PCDHGC3: variants seen among roughly 807,000 people sequenced by gnomAD.
PCDHGC3 encodes the protein protocadherin gamma subfamily C, 3.
A neutral mutation model predicts 59.2 loss-of-function variants in PCDHGC3; 26 were observed. The observed-to-expected ratio is 0.44, with a 90% CI of 0.32 to 0.61. The LOEUF is 0.61. Ranked by LOEUF, PCDHGC3 falls within the 20% of genes least tolerant of loss-of-function variation. The pLI is 0.05. For missense variants in PCDHGC3, 1,080 were observed against 1,221.8 expected (o/e 0.88, Z 1.73); for synonymous variants, 487 against 519.7 (o/e 0.94, Z 0.86).
chr5:141,506,246 C>T (rs1049014492), intron 3 of PCDHGC3, among the ~76,000 whole-genome samples: 3 of 151,958 alleles, frequency 2.0e-5, no homozygotes, highest in South Asian at 4.2e-4. Context: ...GTCAGGAGTT[C>T]GAAACCGGCC....
At position 141,511,076 on chromosome 5, in the gene PCDHGC3, A is replaced by G. The variant is rs201009079; in HGVS notation, c.2708A>G (p.Asn903Ser). 19 of 1,614,218 alleles carry G rather than the reference A, an allele frequency of 1.2e-5. No individual in the cohort carries two copies. In the East Asian group the frequency reaches 3.6e-4, roughly 30 times the overall value. ...CAGAATGTCTACATCCCAGGCAGCA[A>G]TGCCACACTGACCAACGCAGCTGGC... ...YRQNVYIPGS[N>S]ATLTNAAGKR... Residue 903 changes from asparagine (N) to serine (S), a missense_variant, in exon 4 of 4, where the codon AAT (asparagine) becomes AGT (serine). Coordinates refer to ENST00000308177, the MANE Select transcript of PCDHGC3 (RefSeq NM_002588.4).
At chr5:141,479,241 G>A (rs2099490987) in intron 1 of PCDHGC3, 1 of 152,174 alleles carries the variant, frequency 6.6e-6, no homozygotes, top group Non-Finnish European at 1.5e-5. Context: ...CAAACCCAAA[G>A]ATAACCATTT....
rs777542913 is a variant in PCDHGC3 at position 141,478,287 on chromosome 5, G to A, written c.2171G>A (p.Arg724Lys). 3.7e-6 allele frequency: 6 copies of A among 1,614,154 alleles called. No individual in the cohort carries two copies. Among genetic ancestry groups the A allele is most frequent in the Non-Finnish European group, 5.1e-6 (6 of 1,180,052 alleles). The change falls in exon 1 of 4, where the codon AGA becomes AAA. Residue 724 changes from arginine to lysine, a missense_variant. Physicochemically the swap from Arg to Lys is conservative, Grantham distance 26. Coordinates refer to ENST00000308177, the MANE Select transcript of PCDHGC3 (RefSeq NM_002588.4). ...AAAGTTTACAAGTGGAAGCAGTCTA[G>A]AGACCTATACCGAGCCCCGGTGAGC... is the stretch of plus-strand genomic sequence containing the variant. ...IFKVYKWKQS[R>K]DLYRAPVSSL...
chr5:141,482,492 T>C (rs1167963137), intron 1 of PCDHGC3, among the ~76,000 whole-genome samples: 1 of 144,468 alleles, frequency 6.9e-6, no homozygotes, highest in Non-Finnish European at 1.5e-5. Flanking sequence ...TTAAAAGTTA[T>C]CATTCTGGTA....
In PCDHGC3 at chr5:141,482,160, T is replaced by C. The variant is rs577572891; in HGVS notation, c.2430+3614T>C. Reference sequence around the variant, plus strand: ...GCATAAAAAGGTCAAGTCAAAGATATGTAAGATTAAGGCTTTACGATGCTC... The same window carrying C: ...GCATAAAAAGGTCAAGTCAAAGATACGTAAGATTAAGGCTTTACGATGCTC... On this transcript the variant is annotated intron_variant, in intron 1 of 3. Coordinates refer to ENST00000308177, the MANE Select transcript of PCDHGC3 (RefSeq NM_002588.4). 1.6e-4 allele frequency among the ~76,000 whole-genome samples: 25 copies of C among 151,966 alleles called. No homozygotes were observed. In the South Asian group the frequency reaches 4.0e-3, roughly 24 times the overall value.
In PCDHGC3 at chr5:141,491,928, G is replaced by T; in HGVS notation, c.2431-2879G>T. 1 of 1,301,482 alleles carries T rather than the reference G, an allele frequency of 7.7e-7. No homozygotes were observed. Among genetic ancestry groups the T allele is most frequent in the South Asian group, 1.6e-5 (1 of 63,466 alleles). 80.6% of individuals were successfully genotyped at this position (1,301,482 alleles called of 1,614,324 possible). A position where few individuals can be genotyped will look rare whatever the true frequency, so the allele number is the denominator to read the frequency against. On this transcript the variant is annotated intron_variant, in intron 1 of 3. Coordinates refer to ENST00000308177, the MANE Select transcript of PCDHGC3 (RefSeq NM_002588.4). The surrounding 1 kb of genome is among the most constrained non-coding windows in gnomAD (Gnocchi z 6.9). ...TGGTGGCGACTGTGGGCGAGGGGAG[G>T]TGGGACCGACCCCCACCCCTACACT... is the stretch of plus-strand genomic sequence containing the variant.
Position 141,486,107 on chromosome 5 carries a change from A to T in PCDHGC3, c.2430+7561A>T, listed in dbSNP as rs758269750. ...TCTTTTGGGGCCCCTAGACTTTGAG[A>T]GTGAGAATTACTATGAATTTGATGT... is the stretch of plus-strand genomic sequence containing the variant. On this transcript the variant is annotated intron_variant, in intron 1 of 3. Transcript: ENST00000308177. The surrounding 1 kb of genome is among the most constrained non-coding windows in gnomAD (Gnocchi z 5.0). The T allele has an allele frequency of 6.2e-7, 1 of 1,614,102 alleles. No individual in the cohort carries two copies. Among genetic ancestry groups the T allele is most frequent in the South Asian group, 1.1e-5 (1 of 91,080 alleles).
At position 141,491,111 on chromosome 5, in the gene PCDHGC3, A is replaced by G; in HGVS notation, c.2431-3696A>G. 1 of 1,614,162 alleles carries G rather than the reference A, an allele frequency of 6.2e-7. No individual in the cohort carries two copies. Among genetic ancestry groups the G allele is most frequent in the Non-Finnish European group, 8.5e-7 (1 of 1,180,026 alleles). Reference sequence around the variant, plus strand: ...CCAGGACTGTTCCTCGTGTCTACACACACTGGTGAGGTGCGCACAGCCCGG... The same window carrying G: ...CCAGGACTGTTCCTCGTGTCTACACGCACTGGTGAGGTGCGCACAGCCCGG... On this transcript the variant is annotated intron_variant, in intron 1 of 3. Transcript: ENST00000308177. This position sits in a 1 kb window ranked among gnomAD's most constrained non-coding sequence, Gnocchi z 6.9.
At chr5:141,500,562 T>A (rs2099801387) in intron 2 of PCDHGC3, among the ~76,000 whole-genome samples, 1 of 152,202 alleles carries the variant, frequency 6.6e-6, no homozygotes, top group Admixed American at 6.5e-5. Flanking sequence ...CACAAACTTG[T>A]CACACTTTCA....
At chr5:141,484,425 A>G (rs2099596309) in intron 1 of PCDHGC3, among the ~76,000 whole-genome samples, 3 of 152,192 alleles carry the variant, frequency 2.0e-5, no homozygotes, top group African/African-American at 7.2e-5. Flanking sequence ...TACAATGAGA[A>G]CATGTACTGC....
rs190948188 is a variant in PCDHGC3 at position 141,505,972 on chromosome 5, C to T, written c.2578+491C>T. Among the ~76,000 whole-genome samples the T allele has an allele frequency of 5.4e-4, 82 of 152,250 alleles. 1 individual carries two copies. The highest frequency in any genetic ancestry group is 1.9e-3 in the African/African-American group (79 of 41,558). ...GAAAGTGGGTGTAGAAATCCCCAGC[C>T]GAGAGAACACCTCCTCTTTATGCGA... On this transcript the variant is annotated intron_variant, in intron 3 of 3. Transcript: ENST00000308177.
chr5:141,483,750 A>G (rs1453478545), intron 1 of PCDHGC3, among the ~76,000 whole-genome samples: 1 of 152,138 alleles, frequency 6.6e-6, no homozygotes, highest in African/African-American at 2.4e-5. Flanking sequence ...ATTCCTGAGG[A>G]TCGAGGCTTG....
At chr5:141,483,222 C>A (rs1011389295) in intron 1 of PCDHGC3, among the ~76,000 whole-genome samples, 4 of 152,078 alleles carry the variant, frequency 2.6e-5, no homozygotes, top group African/African-American at 9.7e-5. Context: ...ACAGTCACTG[C>A]AGAAATTTGA....
At chr5:141,507,171 C>T (rs183042063) in intron 3 of PCDHGC3, 3 of 152,462 alleles carry the variant, frequency 2.0e-5, no homozygotes, top group South Asian at 2.1e-4. Context: ...AGGCTGTCCT[C>T]TTCCTCGAGC....
intron 3 of PCDHGC3, chr5:141,506,955 C>T (rs1387377785): frequency 2.6e-5 from 4 of 152,362 alleles, no homozygotes; most frequent in South Asian, 2.1e-4. Context: ...AATGAATCCT[C>T]TCAATAGCTC....
At chr5:141,500,250 C>T (rs913074120) in intron 2 of PCDHGC3, among the ~76,000 whole-genome samples, 4 of 149,826 alleles carry the variant, frequency 2.7e-5, no homozygotes, top group African/African-American at 9.9e-5. Flanking sequence ...GCTCTGTCAC[C>T]CAGGCTGGAC....
Position 141,478,523 on chromosome 5 carries a change from G to A in PCDHGC3, c.2407G>A (p.Ala803Thr). ...DPVFYRQVLG[A>T]ESAPPGQQAP... Reference sequence around the variant, plus strand: ...GGTGTTCTATAGGCAGGTGTTGGGTGCAGAGAGCGCCCCTCCCGGACAGGT... The same window carrying A: ...GGTGTTCTATAGGCAGGTGTTGGGTACAGAGAGCGCCCCTCCCGGACAGGT... Residue 803 changes from alanine (A) to threonine (T), a missense_variant, in exon 1 of 4, where the codon GCA becomes ACA. By Grantham distance (58) the Ala-to-Thr change is moderately conservative. Transcript: ENST00000308177. 1.2e-6 allele frequency: 2 copies of A among 1,609,908 alleles called. No individual in the cohort carries two copies. Among genetic ancestry groups the A allele is most frequent in the Non-Finnish European group, 1.7e-6 (2 of 1,177,978 alleles).
chr5:141,499,689 CTTTTTTTT>C (rs545067566), intron 2 of PCDHGC3, among the ~76,000 whole-genome samples: 2 of 119,856 alleles, frequency 1.7e-5, no homozygotes, highest in Non-Finnish European at 3.5e-5. Flanking sequence ...TAACAGATGA[CTTTTTTTT>C]TTTTTTTTTT....
intron 2 of PCDHGC3, 142 bp downstream of exon 2, chr5:141,495,007 G>C (rs2099758216): frequency 2.0e-6 from 3 of 1,522,276 alleles, no homozygotes; most frequent in Non-Finnish European, 8.8e-7. Flanking sequence ...TTGGTGTGCG[G>C]GGGGCTGGCA....
Sources: allele counts gnomAD v4.1 joint callset (sites outside exome capture counted in the v4.1 genomes callset), GRCh38; gene constraint gnomAD v4.1.1; non-coding constraint Gnocchi (gnomAD v3.1); transcripts MANE v1.5; gene names NCBI Gene and HGNC (gene_info 2026-07-23, HGNC 2026-07-21).